ENAH: variants seen among roughly 807,000 people sequenced by gnomAD.
ENAH encodes ENAH actin regulator.
A neutral mutation model predicts 78.7 loss-of-function variants in ENAH; 23 were observed. The ratio of observed to expected loss-of-function variants is 0.29; its 90% CI spans 0.21 to 0.41. ENAH has a LOEUF of 0.41. ENAH is among the 10% of genes least tolerant of loss of function. The pLI, the probability that ENAH is intolerant of heterozygous loss-of-function variation, is 1.00. For missense variants in ENAH, 544 were observed against 691.0 expected (o/e 0.79, Z 2.39); for synonymous variants, 226 against 241.0 (o/e 0.94, Z 0.58).
At chr1:225,618,447 A>G (rs1178773943) in intron 1 of ENAH, among the ~76,000 whole-genome samples, 4 of 152,154 alleles carry the variant, frequency 2.6e-5, no homozygotes, top group Non-Finnish European at 4.4e-5. Flanking sequence ...CCAATTTGGA[A>G]CCTTTTTCTC....
chr1:225,582,647 ATAT>A (rs1211385150), intron 1 of ENAH, among the ~76,000 whole-genome samples: 2 of 152,234 alleles, frequency 1.3e-5, no homozygotes, highest in Non-Finnish European at 1.5e-5. Flanking sequence ...CAAATTCTGT[ATAT>A]AAACTCTGCC....
intron 1 of ENAH, among the ~76,000 whole-genome samples, chr1:225,628,863 G>A (rs114444327): frequency 0.086 from 12,738 of 147,690 alleles, 627 homozygotes; most frequent in Admixed American, 0.15. Flanking sequence ...TGGAGATCGC[G>A]TCATTGCACT....
At chr1:225,563,600 C>T (rs189062631) in intron 2 of ENAH, among the ~76,000 whole-genome samples, 10 of 152,274 alleles carry the variant, frequency 6.6e-5, no homozygotes, top group Admixed American at 1.3e-4. Context: ...CCTTATATTA[C>T]TAAGGCAAAC....
intron 1 of ENAH, among the ~76,000 whole-genome samples, chr1:225,641,960 G>C (rs565782907): frequency 6.6e-6 from 1 of 152,200 alleles, no homozygotes; most frequent in South Asian, 2.1e-4. Context: ...AGCAGAGGTT[G>C]CAGTGAGCCA....
chr1:225,611,519 A>G (rs1249981851), intron 1 of ENAH, among the ~76,000 whole-genome samples: 6 of 152,064 alleles, frequency 3.9e-5, no homozygotes, highest in Non-Finnish European at 7.4e-5. Context: ...AGGTTTCACT[A>G]TGTTGGCCAG....
intron 4 of ENAH, among the ~76,000 whole-genome samples, chr1:225,529,661 C>A (rs1184522710): frequency 1.3e-5 from 2 of 152,070 alleles, no homozygotes; most frequent in Non-Finnish European, 2.9e-5. Flanking sequence ...ATGCCTGTGA[C>A]ATAAATAAAT....
At chr1:225,534,772 G>A (rs2096553703) in intron 3 of ENAH, among the ~76,000 whole-genome samples, 1 of 151,984 alleles carries the variant, frequency 6.6e-6, no homozygotes, top group African/African-American at 2.4e-5. Flanking sequence ...AGAAACAAAT[G>A]GAAATAAAAA....
intron 3 of ENAH, among the ~76,000 whole-genome samples, chr1:225,551,888 G>GT (rs2151403710): frequency 6.6e-6 from 1 of 152,286 alleles, no homozygotes; most frequent in East Asian, 1.9e-4. Flanking sequence ...GAAGGGAGAT[G>GT]TAAGTTAAGC....
At chr1:225,553,458 T>C (rs1280181639) in intron 3 of ENAH, among the ~76,000 whole-genome samples, 1 of 152,122 alleles carries the variant, frequency 6.6e-6, no homozygotes, top group Non-Finnish European at 1.5e-5. Flanking sequence ...TTTGAAAGTT[T>C]AGAAATAAAA....
chr1:225,616,331 TAA>T (rs79946774), intron 1 of ENAH, among the ~76,000 whole-genome samples: 16 of 126,730 alleles, frequency 1.3e-4, no homozygotes, highest in Non-Finnish European at 2.5e-4. Flanking sequence ...AATAAATACT[TAA>T]AAAAAAAAAA....
chr1:225,635,379 G>A (rs866727228), intron 1 of ENAH, among the ~76,000 whole-genome samples: 8 of 152,146 alleles, frequency 5.3e-5, no homozygotes, highest in South Asian at 4.1e-4. Flanking sequence ...GTTGTTTATC[G>A]TAGGTGTATA....
At chr1:225,603,546 T>G (rs2096940699) in intron 1 of ENAH, among the ~76,000 whole-genome samples, 1 of 152,162 alleles carries the variant, frequency 6.6e-6, no homozygotes, top group African/African-American at 2.4e-5. Flanking sequence ...ATCTTTAAAT[T>G]CAGTACTAGT....
At chr1:225,633,846 CT>C (rs1185565871) in intron 1 of ENAH, among the ~76,000 whole-genome samples, 1 of 152,120 alleles carries the variant, frequency 6.6e-6, no homozygotes, top group African/African-American at 2.4e-5. Context: ...CAGAGATGCT[CT>C]GGTCTGTGGC....
chr1:225,499,604 G>A (rs2096270619), intron 12 of ENAH, among the ~76,000 whole-genome samples: 1 of 152,130 alleles, frequency 6.6e-6, no homozygotes, highest in South Asian at 2.1e-4. Context: ...CCCGGGAGGT[G>A]GAGGCTGCAG....
chr1:225,535,468 C>A, intron 3 of ENAH: 1 of 1,269,126 alleles, frequency 7.9e-7, no homozygotes. Context: ...TAGCATGTAC[C>A]ACAGCTTGAA....
Position 225,491,891 on chromosome 1 carries a change from A to G in ENAH, c.*5884T>C, listed in dbSNP as rs931641203. 6.6e-5 allele frequency: 10 copies of G among 152,184 alleles called. No homozygotes were observed. Among genetic ancestry groups the G allele is most frequent in the African/African-American group, 1.9e-4 (8 of 41,444 alleles). 9.4% of individuals were successfully genotyped at this position (152,184 alleles called of 1,614,324 possible). A position where few individuals can be genotyped will look rare whatever the true frequency, so the allele number is the denominator to read the frequency against. The stretch of plus-strand genomic sequence containing the variant: ...TTAGTTATTTCTTTATGCTTTTAGA[A>G]TTGTCATCTACTGCTGAAGAAATCT... On this transcript the variant is annotated 3_prime_UTR_variant, in exon 14 of 14. Coordinates refer to ENST00000366843, the MANE Select transcript of ENAH (RefSeq NM_018212.6).
At chr1:225,517,518 T>C in intron 5 of ENAH, 1 of 1,551,516 alleles carries the variant, frequency 6.4e-7, no homozygotes, top group Middle Eastern at 1.7e-4. Context: ...CTGTCGGTGA[T>C]GGAGGCATTT....
intron 1 of ENAH, among the ~76,000 whole-genome samples, chr1:225,636,764 AAT>A (rs1250622004): frequency 6.6e-6 from 1 of 152,220 alleles, no homozygotes; most frequent in Non-Finnish European, 1.5e-5. Context: ...AAAAGTTATT[AAT>A]AGTGTCTCAT....
intron 1 of ENAH, among the ~76,000 whole-genome samples, chr1:225,640,959 G>A (rs949770818): frequency 1.4e-4 from 20 of 147,706 alleles, no homozygotes; most frequent in Non-Finnish European, 2.4e-4. Flanking sequence ...GCAATGGCGC[G>A]ATCTCGGCTC....
Sources: gnomAD v4.1 joint callset for allele counts (sites outside exome capture counted in the v4.1 genomes callset) on GRCh38, gnomAD v4.1.1 for gene constraint, MANE v1.5 for transcripts, NCBI Gene and HGNC (gene_info 2026-07-23, HGNC 2026-07-21) for gene names.